ZSCAN18: variants seen among roughly 807,000 people sequenced by gnomAD.
ZSCAN18 encodes the protein zinc finger and SCAN domain-containing protein 18.
A neutral mutation model predicts 31.1 loss-of-function variants in ZSCAN18; 16 were observed. That is an observed-to-expected ratio of 0.51 (90% CI 0.35 to 0.78). The LOEUF is 0.78. Ranked by LOEUF, ZSCAN18 falls within the 30% of genes least tolerant of loss-of-function variation. The pLI is 0.01. For synonymous variants in ZSCAN18, 375 were observed against 320.7 expected, an observed-to-expected ratio of 1.17 and a Z score of -1.81; for missense variants, 731 against 697.4, an observed-to-expected ratio of 1.05 and a Z score of -0.54.
chr19:58,088,441 TTTTC>T (rs1198671509), intron 3 of ZSCAN18: 11 of 464,754 alleles, frequency 2.4e-5, no homozygotes, highest in South Asian at 6.6e-5. Context: ...TGGGAGATTC[TTTTC>T]TTTATGTATT....
chr19:58,100,678 C>A (rs188529530), upstream of ZSCAN18, among the ~76,000 whole-genome samples: 5 of 74,750 alleles, frequency 6.7e-5, no homozygotes, highest in African/African-American at 1.7e-4. Flanking sequence ...AGGAGGCCAG[C>A]GGGCGGATCA....
At chr19:58,112,753 T>TGCC (rs2074695564) in intron 1 of ZSCAN18, among the ~76,000 whole-genome samples, 1 of 151,328 alleles carries the variant, frequency 6.6e-6, no homozygotes, top group Admixed American at 6.6e-5. Context: ...AGTTTGAGAC[T>TGCC]AGCCTGGCCA....
chr19:58,101,465 A>G (rs1702874125), upstream of ZSCAN18, among the ~76,000 whole-genome samples: 2 of 147,900 alleles, frequency 1.4e-5, no homozygotes, highest in African/African-American at 2.5e-5. Context: ...TTTCTTTTTC[A>G]AAGTTATTTT....
At chr19:58,112,217 A>G (rs186290321) in intron 1 of ZSCAN18, among the ~76,000 whole-genome samples, 1 of 152,240 alleles carries the variant, frequency 6.6e-6, no homozygotes, top group Admixed American at 6.5e-5. Flanking sequence ...TATTTCTTGC[A>G]GAGATGGGGT....
At chr19:58,117,784 T>A (rs1186196567) in intron 1 of ZSCAN18, among the ~76,000 whole-genome samples, 1 of 142,348 alleles carries the variant, frequency 7.0e-6, no homozygotes, top group East Asian at 2.1e-4. Context: ...AAAAAAGGGA[T>A]CCGCCCCAGT....
At chr19:58,101,431 G>A (rs988071804), upstream of ZSCAN18, among the ~76,000 whole-genome samples, 13 of 150,678 alleles carry the variant, frequency 8.6e-5, no homozygotes, top group Admixed American at 4.6e-4. Context: ...TTACAGGCAT[G>A]AGCCACTGCG....
chr19:58,086,207 C>A lies in ZSCAN18; in HGVS notation c.805G>T (p.Val269Leu). 6.2e-7 allele frequency: 1 copy of A among 1,614,108 alleles called. No homozygotes were observed. Among genetic ancestry groups the A allele is most frequent in the Non-Finnish European group, 8.5e-7 (1 of 1,179,976 alleles). Reference sequence around the variant, plus strand: ...CTGCTTCCTTGTGGATCTCTTTCCACCAACCGGAGTTCCTCAGTGTCCAGC... The same window carrying A: ...CTGCTTCCTTGTGGATCTCTTTCCAACAACCGGAGTTCCTCAGTGTCCAGC... ...SRLDTEELRLVERDPQGSSLP... is the reference protein window; with the variant it reads ...SRLDTEELRLLERDPQGSSLP... The change falls in exon 6 of 7, where the codon GTG (valine) becomes TTG (leucine). Residue 269 changes from valine to leucine, a missense_variant. By Grantham distance (32) the Val-to-Leu change is conservative. Transcript: ENST00000601144.
chr19:58,106,768 TG>T, intron 1 of ZSCAN18, among the ~76,000 whole-genome samples: 2 of 12,748 alleles, frequency 1.6e-4, no homozygotes, highest in Non-Finnish European at 7.3e-4. Flanking sequence ...TTTGTTTTTT[TG>T]TTTTTTTTTG....
intron 6 of ZSCAN18, chr19:58,085,970 C>A: frequency 1.8e-6 from 1 of 571,026 alleles, no homozygotes. Context: ...TTCCACCGAC[C>A]AAGTCTTGGG....
intron 2 of ZSCAN18, among the ~76,000 whole-genome samples, chr19:58,089,580 T>C (rs1339001586): frequency 6.6e-6 from 1 of 152,108 alleles, no homozygotes; most frequent in East Asian, 1.9e-4. Flanking sequence ...GAGCTGAGAT[T>C]GCGCCACTGC....
At chr19:58,101,826 TTTTC>T (rs528505440), upstream of ZSCAN18, among the ~76,000 whole-genome samples, 74 of 152,100 alleles carry the variant, frequency 4.9e-4, no homozygotes, top group African/African-American at 1.6e-3. Context: ...AGCCTTTTTT[TTTTC>T]TTTGTTTTTT....
In ZSCAN18 at chr19:58,086,946, G is replaced by C. The variant is rs141760306; in HGVS notation, c.705C>G (p.Ala235=). The part of the protein sequence containing the change: ...HLGEWGHLDP[A]EENLKSYRKL... ...TCCGGTAGCTCTTCAGGTTCTCCTC[G>C]GCAGGGTCCAGGTGGCCCCACTCCC... The change falls in exon 5 of 7, where the codon GCC becomes GCG. Residue 235 remains alanine (A), a synonymous_variant. Transcript: ENST00000601144. 6.2e-7 allele frequency: 1 copy of C among 1,613,870 alleles called. No individual in the cohort carries two copies. The highest frequency in any genetic ancestry group is 1.7e-4 in the Middle Eastern group (1 of 6,042).
chr19:58,094,423 A>C (rs1017396497), intron 1 of ZSCAN18, among the ~76,000 whole-genome samples: 1 of 151,652 alleles, frequency 6.6e-6, no homozygotes, highest in Non-Finnish European at 1.5e-5. Context: ...AAAAAAAAAA[A>C]AGAAATACAT....
In ZSCAN18 at chr19:58,087,360, T is replaced by C. The variant is rs1271397230; in HGVS notation, c.598A>G (p.Arg200Gly). 1 of 1,607,908 alleles carries C rather than the reference T, an allele frequency of 6.2e-7. No individual in the cohort carries two copies. The highest frequency in any genetic ancestry group is 1.3e-5 in the African/African-American group (1 of 74,996). ...DPLFLEQRRV[R>G]EAKTEEDGPA... is the part of the protein sequence containing the mutation. Reference sequence around the variant, plus strand: ...CCGTCCTCTTCGGTCTTTGCTTCTCTGACCCTCCTCTGTTCCAGAAACAGG... The same window carrying C: ...CCGTCCTCTTCGGTCTTTGCTTCTCCGACCCTCCTCTGTTCCAGAAACAGG... The change falls in exon 4 of 7, where the codon AGA becomes GGA. Residue 200 changes from arginine (R) to glycine (G), a missense_variant. Physicochemically the swap from Arg to Gly is moderately radical, Grantham distance 125. Transcript: ENST00000601144.
chr19:58,105,586 G>A (rs185293194), intron 1 of ZSCAN18, among the ~76,000 whole-genome samples: 4 of 152,026 alleles, frequency 2.6e-5, no homozygotes, highest in Admixed American at 1.3e-4. Context: ...GCATGAACCC[G>A]GAAGGCAGAG....
chr19:58,114,868 G>T (rs1450746246), intron 1 of ZSCAN18, among the ~76,000 whole-genome samples: 1 of 152,130 alleles, frequency 6.6e-6, no homozygotes, highest in Non-Finnish European at 1.5e-5. Context: ...AGATATTCCA[G>T]GATCATCATT....
At chr19:58,102,274 C>T (rs947866160), upstream of ZSCAN18, among the ~76,000 whole-genome samples, 4 of 152,064 alleles carry the variant, frequency 2.6e-5, no homozygotes, top group South Asian at 2.1e-4. Context: ...CTGGCTAACA[C>T]GGTGAAACCC....
At position 58,109,233 on chromosome 19, in the gene ZSCAN18, T is replaced by C. The variant is rs114667701; in HGVS notation, c.130+9034A>G. The C allele has an allele frequency of 6.9e-5, 85 of 1,231,742 alleles. No homozygotes were observed. In the African/African-American group the frequency reaches 1.2e-3, roughly 18 times the overall value. 76.3% of individuals were successfully genotyped at this position (1,231,742 alleles called of 1,614,324 possible). A position where few individuals can be genotyped will look rare whatever the true frequency, so the allele number is the denominator to read the frequency against. On this transcript the variant is annotated intron_variant, in intron 1 of 1. Transcript: ENST00000595721. ...TCATCCCTGATGAACCTTTTTATTTTCACCAAATTGGATAGTTCCTTCCCA... is the reference window on the plus strand; with the variant it reads ...TCATCCCTGATGAACCTTTTTATTTCCACCAAATTGGATAGTTCCTTCCCA...
upstream of ZSCAN18, among the ~76,000 whole-genome samples, chr19:58,100,249 C>A (rs553961849): frequency 2.0e-4 from 31 of 152,170 alleles, no homozygotes; most frequent in Admixed American, 1.6e-3. Flanking sequence ...GCCACCATGC[C>A]CAGTCTTTCC....
Sources: gnomAD v4.1 joint callset for allele counts (sites outside exome capture counted in the v4.1 genomes callset) on GRCh38, gnomAD v4.1.1 for gene constraint, MANE v1.5 for transcripts, NCBI Gene and HGNC (gene_info 2026-07-23, HGNC 2026-07-21) for gene names.